Variants in LEPR observed in about 807,000 individuals in gnomAD.
LEPR encodes the protein leptin receptor.
A neutral mutation model predicts 114.7 loss-of-function variants in LEPR; 56 were observed. The ratio of observed to expected loss-of-function variants is 0.49; its 90% CI spans 0.39 to 0.61. The LOEUF (loss-of-function observed/expected upper bound fraction) is 0.61. Among genes scored for constraint, LEPR ranks in the 20% least tolerant of loss-of-function variants. The pLI is 0.00. For missense variants in LEPR, 1,202 were observed against 1,352.9 expected (o/e 0.89, Z 1.75); for synonymous variants, 443 against 461.4 (o/e 0.96, Z 0.51).
intron 2 of LEPR, among the ~76,000 whole-genome samples, chr1:65,509,497 A>G (rs1203207452): frequency 6.6e-6 from 1 of 152,066 alleles, no homozygotes; most frequent in African/African-American, 2.4e-5. Flanking sequence ...GATGTTTTCA[A>G]TTGAATGTGT....
At chr1:65,432,955 A>G in intron 2 of LEPR, 1 of 985,174 alleles carries the variant, frequency 1.0e-6, no homozygotes, top group Non-Finnish European at 1.2e-6. Flanking sequence ...ATAAAAAACA[A>G]AACATACTCT....
At chr1:65,488,025 T>C (rs1647590516) in intron 2 of LEPR, among the ~76,000 whole-genome samples, 1 of 150,708 alleles carries the variant, frequency 6.6e-6, no homozygotes, top group African/African-American at 2.4e-5. Context: ...TTCCTTTCTC[T>C]TTCTTTCTTT....
chr1:65,453,109 T>G (rs1293458201), intron 2 of LEPR, among the ~76,000 whole-genome samples: 3 of 152,360 alleles, frequency 2.0e-5, no homozygotes, highest in African/African-American at 7.2e-5. Flanking sequence ...TGTATTTCTG[T>G]GGGATTGGTG....
At chr1:65,620,057 A>G (rs1466746154) in intron 17 of LEPR, 34 bp downstream of exon 17, 1 of 1,484,458 alleles carries the variant, frequency 6.7e-7, no homozygotes, top group Admixed American at 1.7e-5. Flanking sequence ...CTTTTACACC[A>G]ATGTGTGTGC....
intron 2 of LEPR, among the ~76,000 whole-genome samples, chr1:65,470,703 A>G (rs943204426): frequency 6.6e-6 from 1 of 152,248 alleles, no homozygotes; most frequent in African/African-American, 2.4e-5. Context: ...ATCTATATGT[A>G]ACAGGAATTA....
In LEPR at chr1:65,636,377, T is replaced by G; in HGVS notation, c.2860T>G (p.Cys954Gly). The change falls in exon 20 of 20, where the codon TGT becomes GGT. Residue 954 changes from cysteine (C) to glycine (G), a missense_variant. Cys to Gly is a radical substitution (Grantham distance 159, BLOSUM62 -3). Transcript: ENST00000349533. Reference sequence around the variant, plus strand: ...AACAGATCTTGAAAAGGGTTCTGTTTGTATTAGTGACCAGTTCAACAGTGT... The same window carrying G: ...AACAGATCTTGAAAAGGGTTCTGTTGGTATTAGTGACCAGTTCAACAGTGT... ...STTDLEKGSV[C>G]ISDQFNSVNF... 1 of 1,614,086 alleles carries G rather than the reference T, an allele frequency of 6.2e-7. No homozygotes were observed. The highest frequency in any genetic ancestry group is 8.5e-7 in the Non-Finnish European group (1 of 1,179,974).
chr1:65,489,936 C>T (rs553644520), intron 2 of LEPR, among the ~76,000 whole-genome samples: 2 of 151,998 alleles, frequency 1.3e-5, no homozygotes, highest in South Asian at 4.1e-4. Flanking sequence ...GGCAATAAGC[C>T]AAGTTTATAC....
intron 2 of LEPR, chr1:65,427,795 C>G (rs2101692440): frequency 2.4e-6 from 1 of 414,316 alleles, no homozygotes; most frequent in East Asian, 7.6e-5. Flanking sequence ...TGCCACAACA[C>G]CCAGCTGATT....
intron 3 of LEPR, among the ~76,000 whole-genome samples, chr1:65,569,665 C>T (rs1654015787): frequency 1.4e-5 from 2 of 144,480 alleles, no homozygotes; most frequent in Non-Finnish European, 1.5e-5. Flanking sequence ...CGAGATCATG[C>T]CACTGCACTC....
intron 2 of LEPR, among the ~76,000 whole-genome samples, chr1:65,503,744 A>T (rs1426373599): frequency 1.3e-5 from 2 of 152,040 alleles, no homozygotes; most frequent in Non-Finnish European, 2.9e-5. Context: ...TTATAGGTAC[A>T]GACGTTTACA....
intron 3 of LEPR, among the ~76,000 whole-genome samples, chr1:65,568,636 T>G (rs1653941880): frequency 6.6e-6 from 1 of 152,152 alleles, no homozygotes; most frequent in Non-Finnish European, 1.5e-5. Context: ...GACAAACATA[T>G]GACCGCAGGT....
intron 2 of LEPR, chr1:65,431,947 A>G (rs1274422698): frequency 6.2e-7 from 1 of 1,606,140 alleles, no homozygotes; most frequent in Non-Finnish European, 8.5e-7. Context: ...AGTGCATTGA[A>G]TTTCTTAGAA....
chr1:65,482,522 C>A (rs1190459180), intron 2 of LEPR, among the ~76,000 whole-genome samples: 1 of 152,010 alleles, frequency 6.6e-6, no homozygotes, highest in Non-Finnish European at 1.5e-5. Flanking sequence ...ACCAAGGGAG[C>A]AATGGAACAT....
At chr1:65,429,862 C>T (rs752982917) in intron 2 of LEPR, 3 of 1,465,736 alleles carry the variant, frequency 2.0e-6, no homozygotes, top group Non-Finnish European at 2.7e-6. Flanking sequence ...CAACTGACAG[C>T]GTTTACTGGC....
intron 2 of LEPR, chr1:65,435,063 G>A (rs1001634398): frequency 1.3e-5 from 13 of 985,294 alleles, no homozygotes; most frequent in Non-Finnish European, 1.4e-5. Flanking sequence ...ATGGGAGAAC[G>A]GAATGAAGAA....
intron 2 of LEPR, among the ~76,000 whole-genome samples, chr1:65,455,991 A>G (rs371676901): frequency 1.3e-5 from 2 of 152,086 alleles, no homozygotes; most frequent in Non-Finnish European, 2.9e-5. Flanking sequence ...CTGGTGCGCC[A>G]TTTTTTAAGC....
chr1:65,547,514 C>T (rs1158799338), intron 2 of LEPR, among the ~76,000 whole-genome samples: 2 of 151,908 alleles, frequency 1.3e-5, no homozygotes, highest in East Asian at 1.9e-4. Context: ...AGAGATTCAA[C>T]TTCTTCCTGA....
At chr1:65,465,839 G>A (rs1198526737) in intron 2 of LEPR, among the ~76,000 whole-genome samples, 1 of 152,110 alleles carries the variant, frequency 6.6e-6, no homozygotes, top group African/African-American at 2.4e-5. Flanking sequence ...CGGAGACTAG[G>A]ATTGCAATCC....
intron 2 of LEPR, among the ~76,000 whole-genome samples, chr1:65,512,773 A>G (rs1023963675): frequency 1.3e-5 from 2 of 152,164 alleles, no homozygotes; most frequent in African/African-American, 4.8e-5. Context: ...AGGAAAAGAA[A>G]TGGGAGCCTG....
Sources: allele counts gnomAD v4.1 joint callset (sites outside exome capture counted in the v4.1 genomes callset), GRCh38; gene constraint gnomAD v4.1.1; transcripts MANE v1.5; gene names NCBI Gene and HGNC (gene_info 2026-07-23, HGNC 2026-07-21).